ZP3: variants seen among roughly 807,000 people sequenced by gnomAD.
ZP3 encodes the protein zona pellucida glycoprotein 3.
A neutral mutation model predicts 35.6 loss-of-function variants in ZP3; 21 were observed. That is an observed-to-expected ratio of 0.59 (90% CI 0.42 to 0.85). The LOEUF (loss-of-function observed/expected upper bound fraction) is 0.85. ZP3 is among the 40% of genes least tolerant of loss of function. The probability of loss-of-function intolerance (pLI) is 0.00; values close to 1 mark genes in which losing one functional copy is unlikely to be tolerated. For missense variants in ZP3, 437 were observed against 536.5 expected (o/e 0.81, Z 1.83); for synonymous variants, 207 against 214.5 (o/e 0.96, Z 0.31).
intron 5 of ZP3, among the ~76,000 whole-genome samples, chr7:76,436,443 G>A (rs1210659937): frequency 5.9e-5 from 9 of 152,350 alleles, no homozygotes; most frequent in East Asian, 1.9e-4. Flanking sequence ...ACTCTAATAC[G>A]CAGCCAGGCT....
intron 2 of ZP3, among the ~76,000 whole-genome samples, chr7:76,431,764 T>G (rs565852255): frequency 6.6e-6 from 1 of 152,010 alleles, no homozygotes; most frequent in South Asian, 2.1e-4. Flanking sequence ...CCAGGCCTAG[T>G]GGCGGGTGCC....
chr7:76,433,124 T>TTTGGTTTCGGTTGGTTTTGG, intron 3 of ZP3, 94 bp downstream of exon 3: 1 of 672,478 alleles, frequency 1.5e-6, no homozygotes, highest in Non-Finnish European at 2.5e-6. Flanking sequence ...TTTGTTTGGT[T>TTTGGTTTCGGTTGGTTTTGG]TTGGTTTTGG....
At chr7:76,409,907 G>A (rs540082679) in intron 1 of ZP3, among the ~76,000 whole-genome samples, 2 of 152,260 alleles carry the variant, frequency 1.3e-5, no homozygotes, top group Admixed American at 6.5e-5. Context: ...ATGATGTCCC[G>A]ACCCACATCT....
chr7:76,432,130 C>T (rs1805847302), intron 2 of ZP3, among the ~76,000 whole-genome samples: 1 of 151,960 alleles, frequency 6.6e-6, no homozygotes, highest in Non-Finnish European at 1.5e-5. Flanking sequence ...TCAAGCAATC[C>T]TCCCATCTCA....
At chr7:76,404,402 A>T (rs376199686) in intron 1 of ZP3, 3 of 1,613,962 alleles carry the variant, frequency 1.9e-6, no homozygotes, top group Non-Finnish European at 2.5e-6. Flanking sequence ...CTTCTCATCC[A>T]GCTGGGGACC....
chr7:76,427,295 T>A (rs1805697451), intron 1 of ZP3, among the ~76,000 whole-genome samples: 1 of 152,006 alleles, frequency 6.6e-6, no homozygotes, highest in Admixed American at 6.6e-5. Context: ...GGCGGGTGAA[T>A]CACGAGGTCA....
upstream of ZP3, among the ~76,000 whole-genome samples, chr7:76,421,476 A>G (rs912507405): frequency 6.6e-5 from 10 of 151,496 alleles, no homozygotes; most frequent in South Asian, 1.9e-3. Flanking sequence ...CTGGTCTCGA[A>G]CTCCTGGGCT....
chr7:76,429,764 T>A, intron 2 of ZP3, 131 bp downstream of exon 2: 1 of 795,532 alleles, frequency 1.3e-6, no homozygotes, highest in Non-Finnish European at 2.1e-6. Context: ...TTTGCAGCTG[T>A]GGTTACTGTA....
upstream of ZP3, chr7:76,424,874 CAGCTGAGA>C (rs1805599586): frequency 1.6e-6 from 2 of 1,260,878 alleles, no homozygotes; most frequent in African/African-American, 3.0e-5. Flanking sequence ...GGAAGGGAGG[CAGCTGAGA>C]AGCTGAGAGC....
intron 1 of ZP3, among the ~76,000 whole-genome samples, chr7:76,426,904 ACAC>A (rs200033967): frequency 8.0e-4 from 116 of 144,698 alleles, no homozygotes; most frequent in East Asian, 4.5e-3. Context: ...ACACACACAC[ACAC>A]AATAGGGTGT....
intron 1 of ZP3, among the ~76,000 whole-genome samples, chr7:76,412,301 C>T (rs1805267840): frequency 6.6e-6 from 1 of 151,996 alleles, no homozygotes; most frequent in South Asian, 2.1e-4. Flanking sequence ...AGTCTTAAAG[C>T]TCACACATTG....
chr7:76,439,538 C>A (rs1171160009), intron 5 of ZP3, among the ~76,000 whole-genome samples: 2 of 150,274 alleles, frequency 1.3e-5, no homozygotes, highest in African/African-American at 4.9e-5. Flanking sequence ...AAAACCTCAT[C>A]TCTGCAAAAA....
At chr7:76,402,587 A>G (rs1266780851) in intron 1 of ZP3, among the ~76,000 whole-genome samples, 1 of 151,550 alleles carries the variant, frequency 6.6e-6, no homozygotes, top group African/African-American at 2.4e-5. Context: ...CCAAAGTGCT[A>G]GAATTACAGG....
chr7:76,398,383 C>T (rs1345630432), intron 1 of ZP3, among the ~76,000 whole-genome samples: 1 of 150,588 alleles, frequency 6.6e-6, no homozygotes, highest in Non-Finnish European at 1.5e-5. Context: ...GATCTTACTG[C>T]AACCTCTGCC....
rs3972771 is a variant in ZP3 at position 76,437,661 on chromosome 7, A to ATTTTT, written c.832-2576_832-2572dup. Among the ~76,000 whole-genome samples, 53 of 129,746 alleles carry ATTTTT rather than the reference A, an allele frequency of 4.1e-4. 1 individual carries two copies. Among genetic ancestry groups the ATTTTT allele is most frequent in the East Asian group, 3.4e-3 (15 of 4,364 alleles). The allele number at this position is 129,746 out of a possible 152,430, so 85.1% of individuals were successfully genotyped here. A position where few individuals can be genotyped will look rare whatever the true frequency, so the allele number is the denominator to read the frequency against. On this transcript the variant is annotated intron_variant, in intron 5 of 7. Transcript: ENST00000394857. ...GCCACCATGCCCAGCTAATTTCTGT[A>ATTTTT]TTTTTTTTTTTTTTTTTAGTAGAGA... is the stretch of plus-strand genomic sequence containing the variant.
chr7:76,416,890 ATATACACATACATATG>A (rs1805385705), intron 1 of ZP3, among the ~76,000 whole-genome samples: 14 of 141,298 alleles, frequency 9.9e-5, no homozygotes, highest in Admixed American at 2.1e-4. Flanking sequence ...ACATACATAT[ATATACACATACATATG>A]TATACATACA....
chr7:76,433,058 C>G, intron 3 of ZP3, 28 bp downstream of exon 3: 1 of 1,570,654 alleles, frequency 6.4e-7, no homozygotes, highest in Non-Finnish European at 8.7e-7. Context: ...GGTGGGACAT[C>G]TGTGGAAAGA....
At position 76,433,489 on chromosome 7, in the gene ZP3, G is replaced by A. The variant is rs772775993; in HGVS notation, c.555G>A (p.Lys185=). ...TTTCAGAGAACTGGAACGCTGAGAA[G>A]AGGTCCCCCACCTTCCACCTGGGAG... ...RLMEENWNAE[K]RSPTFHLGDA... The change falls in exon 4 of 8, where the codon AAG becomes AAA. Residue 185 remains lysine, a synonymous_variant. Transcript: ENST00000394857. 1 of 1,613,450 alleles carries A rather than the reference G, an allele frequency of 6.2e-7. No homozygotes were observed. The highest frequency in any genetic ancestry group is 8.5e-7 in the Non-Finnish European group (1 of 1,179,840).
upstream of ZP3, chr7:76,424,878 T>G (rs13232187): frequency 0.096 from 125,363 of 1,309,028 alleles, 6,533 homozygotes; most frequent in African/African-American, 0.14. Flanking sequence ...GGGAGGCAGC[T>G]GAGAAGCTGA....
Sources: allele counts gnomAD v4.1 joint callset (sites outside exome capture counted in the v4.1 genomes callset), GRCh38; gene constraint gnomAD v4.1.1; transcripts MANE v1.5; gene names NCBI Gene and HGNC (gene_info 2026-07-23, HGNC 2026-07-21).